Variants in DCLK2 observed in about 807,000 individuals in gnomAD.
The protein encoded by DCLK2 is serine/threonine-protein kinase DCLK2.
Under a neutral mutation model 78.4 loss-of-function variants are expected in DCLK2, and 31 were observed. The observed-to-expected ratio is 0.40, with a 90% confidence interval of 0.30 to 0.53. The LOEUF (loss-of-function observed/expected upper bound fraction) is 0.53, where lower values mean the gene tolerates loss of function less well. Ranked by LOEUF, DCLK2 falls within the 20% of genes least tolerant of loss-of-function variation. The pLI is 0.61. For missense variants in DCLK2, 872 were observed against 973.7 expected (o/e 0.90, Z 1.39); for synonymous variants, 407 against 374.9 (o/e 1.09, Z -0.99).
chr4:150,183,406 A>G (rs1177196784), intron 2 of DCLK2, among the ~76,000 whole-genome samples: 3 of 152,238 alleles, frequency 2.0e-5, no homozygotes, highest in African/African-American at 7.2e-5. Flanking sequence ...TCATCCTGAA[A>G]TAATAATAAA....
At chr4:150,165,703 A>ACATTTACAGT (rs1357978612) in intron 2 of DCLK2, among the ~76,000 whole-genome samples, 3 of 152,228 alleles carry the variant, frequency 2.0e-5, no homozygotes, top group African/African-American at 7.2e-5. Flanking sequence ...CTACCTTGTT[A>ACATTTACAGT]CATTTACAGT....
Position 150,252,557 on chromosome 4 carries a change from C to A in DCLK2, c.2073+2873C>A, listed in dbSNP as rs551495701. Among the ~76,000 whole-genome samples, 126 of 152,334 alleles carry A rather than the reference C, an allele frequency of 8.3e-4. 1 individual carries two copies. The highest frequency in any genetic ancestry group is 1.7e-3 in the South Asian group (8 of 4,826). ...TCAGCTGACATTCTGGAATGATTAG[C>A]TGTTCTACAGGCTCTGTCCTAGATA... On this transcript the variant is annotated intron_variant, in intron 15 of 15. Transcript: ENST00000296550.
chr4:150,226,600 G>GA (rs141597871), intron 8 of DCLK2, among the ~76,000 whole-genome samples: 3,810 of 151,760 alleles, frequency 0.025, 79 homozygotes, highest in Non-Finnish European at 0.039. Context: ...TCCATGGTTG[G>GA]AAAAAAAAGG....
At chr4:150,226,211 A>G (rs1741595118) in intron 8 of DCLK2, among the ~76,000 whole-genome samples, 1 of 136,682 alleles carries the variant, frequency 7.3e-6, no homozygotes, top group Admixed American at 8.4e-5. Flanking sequence ...TCCAGGAGGC[A>G]AATTTGTCAT....
intron 2 of DCLK2, among the ~76,000 whole-genome samples, chr4:150,123,896 C>T (rs1036974204): frequency 1.3e-5 from 2 of 151,730 alleles, no homozygotes; most frequent in African/African-American, 2.4e-5. Flanking sequence ...AAAAAGTAGC[C>T]GGGTGTGGTA....
intron 15 of DCLK2, chr4:150,254,370 T>A (rs1744413865): frequency 5.0e-6 from 2 of 399,202 alleles, no homozygotes; most frequent in Non-Finnish European, 8.8e-6. Context: ...TTTCTGTCCC[T>A]GCTTCTCTCC....
intron 2 of DCLK2, among the ~76,000 whole-genome samples, chr4:150,182,596 T>C (rs1358466104): frequency 6.6e-6 from 1 of 152,202 alleles, no homozygotes; most frequent in Non-Finnish European, 1.5e-5. Context: ...GTATGTTCTT[T>C]ACATCTTTAA....
intron 5 of DCLK2, among the ~76,000 whole-genome samples, chr4:150,205,029 T>C (rs1739750282): frequency 6.6e-6 from 1 of 152,204 alleles, no homozygotes; most frequent in Non-Finnish European, 1.5e-5. Flanking sequence ...TGTGTTTTGA[T>C]TGATCAGATA....
At chr4:150,115,638 G>A (rs1173311585) in intron 2 of DCLK2, among the ~76,000 whole-genome samples, 1 of 152,106 alleles carries the variant, frequency 6.6e-6, no homozygotes, top group East Asian at 1.9e-4. Context: ...TGGTTATAGA[G>A]AGTCTTTGTA....
intron 8 of DCLK2, among the ~76,000 whole-genome samples, chr4:150,227,494 G>T (rs1418885562): frequency 6.6e-6 from 1 of 152,170 alleles, no homozygotes; most frequent in Admixed American, 6.5e-5. Context: ...ACAGTGGGTA[G>T]GGAGGGTTTC....
At position 150,217,553 on chromosome 4, in the gene DCLK2, G is replaced by T. The variant is rs556504129; in HGVS notation, c.1057-3150G>T. On this transcript the variant is annotated intron_variant, in intron 5 of 15. Transcript: ENST00000296550. ...CTGAAATGCAGAGGTTTCACTGAAG[G>T]TATTAAGCTTAGGTGCACCTATCCC... Among the ~76,000 whole-genome samples the T allele has an allele frequency of 4.6e-5, 7 of 152,314 alleles. 1 individual carries two copies. In the East Asian group the frequency reaches 1.3e-3, roughly 29 times the overall value.
intron 5 of DCLK2, among the ~76,000 whole-genome samples, chr4:150,216,565 G>A (rs1740734926): frequency 6.6e-6 from 1 of 152,152 alleles, no homozygotes; most frequent in African/African-American, 2.4e-5. Flanking sequence ...CTTGAACCCG[G>A]GAGGCGGAGG....
chr4:150,170,431 A>G (rs879811822), intron 2 of DCLK2, among the ~76,000 whole-genome samples: 7 of 152,206 alleles, frequency 4.6e-5, no homozygotes, highest in Admixed American at 4.6e-4. Flanking sequence ...GGGGAAAAGC[A>G]GTAGAAGTGT....
intron 1 of DCLK2, among the ~76,000 whole-genome samples, chr4:150,100,872 G>A (rs72963502): frequency 0.044 from 6,660 of 152,260 alleles, 452 homozygotes; most frequent in African/African-American, 0.14. Flanking sequence ...TGTAGAAATG[G>A]TGTTAAAGCC....
At chr4:150,177,472 C>G (rs920730731) in intron 2 of DCLK2, among the ~76,000 whole-genome samples, 1 of 151,918 alleles carries the variant, frequency 6.6e-6, no homozygotes, top group Non-Finnish European at 1.5e-5. Flanking sequence ...TTTCCTCCAT[C>G]GAAGAACTTT....
chr4:150,123,291 G>C (rs1240884383), intron 2 of DCLK2, among the ~76,000 whole-genome samples: 1 of 152,090 alleles, frequency 6.6e-6, no homozygotes, highest in Non-Finnish European at 1.5e-5. Flanking sequence ...AACACTTAGA[G>C]GCCATTGTAG....
At chr4:150,107,882 G>A (rs28416593) in intron 2 of DCLK2, among the ~76,000 whole-genome samples, 21,901 of 151,744 alleles carry the variant, frequency 0.14, 1,945 homozygotes, top group Non-Finnish European at 0.21. Context: ...GAGGCAGGAG[G>A]ATTACTTGAG....
intron 2 of DCLK2, among the ~76,000 whole-genome samples, chr4:150,175,114 A>G (rs1358447072): frequency 1.1e-5 from 1 of 94,524 alleles, no homozygotes; most frequent in Admixed American, 1.2e-4. Flanking sequence ...TTATATATTT[A>G]TATTTTTTAT....
intron 2 of DCLK2, among the ~76,000 whole-genome samples, chr4:150,178,873 AAATGTT>A (rs1398469545): frequency 6.6e-6 from 1 of 152,204 alleles, no homozygotes; most frequent in Non-Finnish European, 1.5e-5. Context: ...CTAAGCTCAC[AAATGTT>A]AAATGCAACA....
Sources: allele counts gnomAD v4.1 joint callset (sites outside exome capture counted in the v4.1 genomes callset), GRCh38; gene constraint gnomAD v4.1.1; transcripts MANE v1.5; gene names NCBI Gene and HGNC (gene_info 2026-07-23, HGNC 2026-07-21).